Variants in KIF3B observed in about 807,000 individuals in gnomAD.
The protein encoded by KIF3B is kinesin-like protein KIF3B.
KIF3B carries 38 observed loss-of-function variants against 74.3 expected under a neutral mutation model. The ratio of observed to expected loss-of-function variants is 0.51; its 90% CI spans 0.39 to 0.67. KIF3B has a LOEUF of 0.67. Ranked by LOEUF, KIF3B falls within the 30% of genes least tolerant of loss-of-function variation. The pLI is 0.00. For missense variants in KIF3B, 649 were observed against 932.0 expected (o/e 0.70, Z 3.95); for synonymous variants, 326 against 342.5 (o/e 0.95, Z 0.53).
intron 2 of KIF3B, among the ~76,000 whole-genome samples, chr20:32,311,802 CTTTTTTT>C (rs771615918): frequency 3.0e-5 from 4 of 132,128 alleles, no homozygotes; most frequent in South Asian, 2.5e-4. Context: ...ATCCATTTTT[CTTTTTTT>C]TTTTTTTTTT....
intron 2 of KIF3B, among the ~76,000 whole-genome samples, chr20:32,312,351 C>T (rs2047805363): frequency 6.6e-6 from 1 of 151,446 alleles, no homozygotes; most frequent in African/African-American, 2.4e-5. Flanking sequence ...ATGATTCTCC[C>T]ACCTCCCCCT....
At chr20:32,278,921 CTTTTTTTTTTT>C (rs57355936) in intron 1 of KIF3B, among the ~76,000 whole-genome samples, 3 of 118,420 alleles carry the variant, frequency 2.5e-5, no homozygotes, top group Admixed American at 9.5e-5. Context: ...CTTAAGAATC[CTTTTTTTTTTT>C]TTTTTTTTTG....
intron 1 of KIF3B, 63 bp from the exon 2 acceptor site, chr20:32,309,650 C>A: frequency 9.7e-7 from 1 of 1,035,428 alleles, no homozygotes; most frequent in Non-Finnish European, 1.4e-6. Flanking sequence ...GGTGTGTCAG[C>A]TTCTGTCAGG....
At chr20:32,304,699 A>G (rs1396360947) in intron 1 of KIF3B, among the ~76,000 whole-genome samples, 1 of 152,184 alleles carries the variant, frequency 6.6e-6, no homozygotes, top group African/African-American at 2.4e-5. Context: ...GAGAGGATAA[A>G]TGTGTATTAA....
intron 1 of KIF3B, among the ~76,000 whole-genome samples, chr20:32,299,067 A>T (rs768182687): frequency 6.6e-6 from 1 of 151,910 alleles, no homozygotes; most frequent in Non-Finnish European, 1.5e-5. Flanking sequence ...TTTGTTTCTC[A>T]CTCAGCCTAT....
intron 7 of KIF3B, among the ~76,000 whole-genome samples, chr20:32,328,493 C>A (rs1475445819): frequency 6.6e-6 from 1 of 151,876 alleles, no homozygotes; most frequent in Non-Finnish European, 1.5e-5. Context: ...GTAATCCCAG[C>A]TACTCGGGAG....
At chr20:32,312,365 A>G (rs2047805512) in intron 2 of KIF3B, among the ~76,000 whole-genome samples, 1 of 150,564 alleles carries the variant, frequency 6.6e-6, no homozygotes, top group East Asian at 2.0e-4. Context: ...TCCCCCTCCC[A>G]AAGTGCTGGG....
chr20:32,316,710 C>T (rs1384715915), intron 4 of KIF3B, 46 bp from the exon 5 acceptor site: 1 of 1,613,636 alleles, frequency 6.2e-7, no homozygotes. Context: ...GAGAACTCTA[C>T]CCTTTGGACA....
chr20:32,278,044 G>A (rs915691201), intron 1 of KIF3B, among the ~76,000 whole-genome samples: 3 of 152,200 alleles, frequency 2.0e-5, no homozygotes, highest in African/African-American at 7.2e-5. Context: ...GGAGGAGGGC[G>A]GGGAAGCGAG....
At chr20:32,281,147 A>G (rs2047641180) in intron 1 of KIF3B, among the ~76,000 whole-genome samples, 1 of 152,220 alleles carries the variant, frequency 6.6e-6, no homozygotes. Flanking sequence ...GCTTACAAAA[A>G]TGCCTACACT....
chr20:32,310,275 C>T lies in KIF3B; in HGVS notation c.498C>T (p.Leu166=), dbSNP rs778921981. Residue 166 remains leucine, a synonymous_variant, in exon 2 of 9, where the codon CTC becomes CTT. Coordinates refer to ENST00000375712, the MANE Select transcript of KIF3B (RefSeq NM_004798.4). The surrounding 1 kb of genome is among the most constrained non-coding windows in gnomAD (Gnocchi z 6.5). ...AGGATCAGACCAAAAGGCTTGAGCT[C>T]AAAGAGAGGCCTGACACAGGAGTGT... ...LSKDQTKRLE[L]KERPDTGVYV... The T allele has an allele frequency of 6.2e-7, 1 of 1,613,902 alleles. No individual in the cohort carries two copies. Among genetic ancestry groups the T allele is most frequent in the South Asian group, 1.1e-5 (1 of 91,084 alleles).
intron 1 of KIF3B, among the ~76,000 whole-genome samples, chr20:32,281,641 T>TGGGAAGCAGAGGCTGC (rs1384041270): frequency 2.0e-5 from 3 of 152,102 alleles, no homozygotes; most frequent in Non-Finnish European, 4.4e-5. Context: ...TGCTTGAACC[T>TGGGAAGCAGAGGCTGC]GGGAAGCAGA....
chr20:32,315,320 T>C (rs775474436), intron 2 of KIF3B, among the ~76,000 whole-genome samples: 9 of 152,112 alleles, frequency 5.9e-5, no homozygotes, highest in Non-Finnish European at 1.2e-4. Flanking sequence ...CACAAAACAA[T>C]CTTTTTTTCT....
chr20:32,290,011 G>A (rs1225212934), intron 1 of KIF3B, among the ~76,000 whole-genome samples: 3 of 152,032 alleles, frequency 2.0e-5, no homozygotes. Flanking sequence ...GTCCTCACAC[G>A]GCCCCAAGCA....
At chr20:32,293,808 C>G (rs558524842) in intron 1 of KIF3B, among the ~76,000 whole-genome samples, 2 of 152,124 alleles carry the variant, frequency 1.3e-5, no homozygotes, top group Non-Finnish European at 2.9e-5. Flanking sequence ...ACACTCTGTA[C>G]AGCTTGAATT....
intron 1 of KIF3B, among the ~76,000 whole-genome samples, chr20:32,301,648 A>G (rs998818233): frequency 6.6e-6 from 1 of 152,200 alleles, no homozygotes; most frequent in African/African-American, 2.4e-5. Flanking sequence ...AAGTGCTGAG[A>G]TTACAGATGT....
Position 32,310,614 on chromosome 20 carries a change from C to G in KIF3B, c.837C>G (p.Ile279Met). The stretch of plus-strand genomic sequence containing the variant: ...CCCTTTCCGCTTTGGGTAATGTCAT[C>G]TCTGCTCTAGTGGACGGCAAAAGCA... ...NLSLSALGNV[I>M]SALVDGKSTH... is the part of the protein sequence containing the mutation. The change falls in exon 2 of 9, where the codon ATC (isoleucine) becomes ATG (methionine). Residue 279 changes from isoleucine (I) to methionine (M), a missense_variant. Ile to Met is a conservative substitution (Grantham distance 10). Transcript: ENST00000375712. The surrounding 1 kb of genome is among the most constrained non-coding windows in gnomAD (Gnocchi z 6.5). 1 of 1,614,142 alleles carries G rather than the reference C, an allele frequency of 6.2e-7. No individual in the cohort carries two copies.
chr20:32,283,184 G>C (rs1019751977), intron 1 of KIF3B, among the ~76,000 whole-genome samples: 1 of 152,004 alleles, frequency 6.6e-6, no homozygotes, highest in Non-Finnish European at 1.5e-5. Context: ...CCGCAGGCAT[G>C]TACTGTCGTG....
intron 1 of KIF3B, among the ~76,000 whole-genome samples, chr20:32,306,795 A>G (rs922637981): frequency 3.3e-5 from 5 of 151,818 alleles, no homozygotes; most frequent in African/African-American, 7.3e-5. Flanking sequence ...GGGTTTCACC[A>G]TGTTGGCCCA....
Sources: gnomAD v4.1 joint callset for allele counts (sites outside exome capture counted in the v4.1 genomes callset) on GRCh38, gnomAD v4.1.1 for gene constraint, Gnocchi (gnomAD v3.1) non-coding constraint, MANE v1.5 for transcripts, NCBI Gene and HGNC (gene_info 2026-07-23, HGNC 2026-07-21) for gene names.